The following IMMP2L variants were observed in gnomAD, a reference collection of about 807,000 sequenced individuals.
IMMP2L encodes inner mitochondrial membrane peptidase subunit 2.
A neutral mutation model predicts 19.3 loss-of-function variants in IMMP2L; 18 were observed. The ratio of observed to expected loss-of-function variants is 0.93; its 90% CI spans 0.64 to 1.38. The LOEUF (loss-of-function observed/expected upper bound fraction) is 1.38, where lower values mean the gene tolerates loss of function less well. Among genes scored for constraint, IMMP2L ranks in the 40% most tolerant of loss-of-function variants. IMMP2L has a pLI of 0.00. For synonymous variants in IMMP2L, 76 were observed against 73.0 expected (o/e 1.04, Z -0.21); for missense variants, 233 against 218.2 (o/e 1.07, Z -0.43).
At chr7:110,895,191 T>G (rs1811201380) in intron 4 of IMMP2L, among the ~76,000 whole-genome samples, 1 of 152,042 alleles carries the variant, frequency 6.6e-6, no homozygotes, top group Non-Finnish European at 1.5e-5. Context: ...AACCATCAGA[T>G]CTCATGAGAC....
chr7:111,417,618 G>C (rs1483819099), intron 3 of IMMP2L, among the ~76,000 whole-genome samples: 1 of 151,770 alleles, frequency 6.6e-6, no homozygotes, highest in Non-Finnish European at 1.5e-5. Flanking sequence ...ATGGCAACGA[G>C]AACTAAAGAT....
chr7:110,696,152 A>C (rs768520916), intron 5 of IMMP2L, among the ~76,000 whole-genome samples: 3 of 152,186 alleles, frequency 2.0e-5, no homozygotes, highest in Non-Finnish European at 4.4e-5. Flanking sequence ...CACATGCATG[A>C]AGGGGTTCCA....
chr7:111,267,632 A>G (rs1817971404), intron 3 of IMMP2L, among the ~76,000 whole-genome samples: 1 of 152,186 alleles, frequency 6.6e-6, no homozygotes, highest in South Asian at 2.1e-4. Context: ...GGACATTCTT[A>G]ACCTTGAATT....
intron 4 of IMMP2L, among the ~76,000 whole-genome samples, chr7:110,951,162 G>A (rs556369948): frequency 6.6e-6 from 1 of 151,608 alleles, no homozygotes; most frequent in East Asian, 1.9e-4. Flanking sequence ...TATAAAATTA[G>A]GTTAAGCAAG....
intron 4 of IMMP2L, among the ~76,000 whole-genome samples, chr7:110,953,459 G>T (rs1251301149): frequency 1.3e-5 from 2 of 152,028 alleles, no homozygotes; most frequent in East Asian, 1.9e-4. Context: ...GAGAATGATG[G>T]TTTCCAGCTT....
chr7:111,496,150 C>A (rs945833656), intron 2 of IMMP2L, among the ~76,000 whole-genome samples: 20 of 152,146 alleles, frequency 1.3e-4, no homozygotes, highest in Non-Finnish European at 2.8e-4. Flanking sequence ...AGATGTCACA[C>A]CTTTGAAAGA....
intron 3 of IMMP2L, among the ~76,000 whole-genome samples, chr7:110,980,375 C>T (rs554761208): frequency 6.6e-6 from 1 of 151,740 alleles, no homozygotes; most frequent in African/African-American, 2.4e-5. Context: ...ACTACAGGCG[C>T]CCACCACCAC....
chr7:110,669,052 CGT>C lies in IMMP2L; in HGVS notation c.409-5333_409-5332del, dbSNP rs1165734674. Among the ~76,000 whole-genome samples the C allele has an allele frequency of 2.8e-3, 181 of 65,316 alleles. 1 individual carries two copies. The highest frequency in any genetic ancestry group is 0.018 in the Middle Eastern group (2 of 110). The allele number at this position is 65,316 out of a possible 152,430, so 42.8% of individuals were successfully genotyped here. A position where few individuals can be genotyped will look rare whatever the true frequency, so the allele number is the denominator to read the frequency against. On this transcript the variant is annotated intron_variant, in intron 5 of 5. Coordinates refer to ENST00000405709, the MANE Select transcript of IMMP2L (RefSeq NM_032549.4). ...ATGTGTGTGTGTGTGTGTGTGTGTG[CGT>C]GTGTGTGTGTGTGTGTGTGTGTGTG...
chr7:110,815,823 C>A (rs1426938037), intron 5 of IMMP2L, among the ~76,000 whole-genome samples: 1 of 152,080 alleles, frequency 6.6e-6, no homozygotes, highest in Non-Finnish European at 1.5e-5. Flanking sequence ...TCCCCTTTAT[C>A]ATTTTTTATT....
At chr7:110,677,221 T>C (rs17157888) in intron 5 of IMMP2L, among the ~76,000 whole-genome samples, 1 of 152,018 alleles carries the variant, frequency 6.6e-6, no homozygotes, top group Non-Finnish European at 1.5e-5. Context: ...GCGAAACAGA[T>C]GCATGGTTTA....
chr7:110,952,553 T>G (rs569817520), intron 4 of IMMP2L, among the ~76,000 whole-genome samples: 1 of 152,192 alleles, frequency 6.6e-6, no homozygotes, highest in East Asian at 1.9e-4. Context: ...ATGGTAGAAC[T>G]AAGGAGTAAT....
intron 3 of IMMP2L, among the ~76,000 whole-genome samples, chr7:111,022,762 C>T (rs1826416738): frequency 1.3e-5 from 2 of 152,172 alleles, no homozygotes; most frequent in South Asian, 2.1e-4. Flanking sequence ...CCAATTGCTC[C>T]GTCACCAATC....
At chr7:111,024,206 C>A (rs1164752953) in intron 3 of IMMP2L, among the ~76,000 whole-genome samples, 2 of 152,110 alleles carry the variant, frequency 1.3e-5, no homozygotes, top group African/African-American at 4.8e-5. Flanking sequence ...CTTTATTAAG[C>A]TATAATATGA....
At chr7:111,241,765 A>G (rs1257815495) in intron 3 of IMMP2L, among the ~76,000 whole-genome samples, 1 of 151,676 alleles carries the variant, frequency 6.6e-6, no homozygotes, top group East Asian at 1.9e-4. Flanking sequence ...TCCACCAAGG[A>G]AGAAATTACC....
chr7:110,829,459 T>C (rs1329850240), intron 5 of IMMP2L, among the ~76,000 whole-genome samples: 1 of 152,190 alleles, frequency 6.6e-6, no homozygotes, highest in Non-Finnish European at 1.5e-5. Flanking sequence ...GTAAATGTGT[T>C]ATGAATATAG....
chr7:111,211,928 C>T (rs1022061440), intron 3 of IMMP2L, among the ~76,000 whole-genome samples: 2 of 152,046 alleles, frequency 1.3e-5, no homozygotes, highest in African/African-American at 2.4e-5. Context: ...ACCCAGGAGG[C>T]GGAGCTTGCA....
At chr7:111,394,759 T>A (rs981498437) in intron 3 of IMMP2L, 1 of 163,168 alleles carries the variant, frequency 6.1e-6, no homozygotes, top group Non-Finnish European at 1.3e-5. Flanking sequence ...GACAATTCCA[T>A]GGTTATGAGT....
chr7:110,864,026 C>T (rs536543103), intron 5 of IMMP2L, among the ~76,000 whole-genome samples: 1 of 152,158 alleles, frequency 6.6e-6, no homozygotes, highest in African/African-American at 2.4e-5. Context: ...ATACATTCTA[C>T]CCCACGTAAC....
chr7:111,328,916 T>C (rs1206867798), intron 3 of IMMP2L, among the ~76,000 whole-genome samples: 1 of 151,708 alleles, frequency 6.6e-6, no homozygotes, highest in Non-Finnish European at 1.5e-5. Flanking sequence ...CAAAAAAACA[T>C]TGGGACCCTA....
Sources: allele counts gnomAD v4.1 joint callset (sites outside exome capture counted in the v4.1 genomes callset), GRCh38; gene constraint gnomAD v4.1.1; transcripts MANE v1.5; gene names NCBI Gene and HGNC (gene_info 2026-07-23, HGNC 2026-07-21).